Variants in PLCH1 observed in about 807,000 individuals in gnomAD.
The protein encoded by PLCH1 is phospholipase C eta 1.
A neutral mutation model predicts 126.7 loss-of-function variants in PLCH1; 60 were observed. The observed-to-expected ratio is 0.47, with a 90% CI of 0.38 to 0.59. The LOEUF is 0.59. PLCH1 is among the 20% of genes least tolerant of loss of function. The pLI is 0.00. For missense variants in PLCH1, 1,723 were observed against 2,040.0 expected (o/e 0.84, Z 2.99); for synonymous variants, 719 against 734.9 (o/e 0.98, Z 0.35).
rs1220503712 is a variant in PLCH1, at chr3:155,458,579, AAAGG to A, written c.2938+26773_2938+26776del. On this transcript the variant is annotated intron_variant, in intron 21 of 21. Transcript: ENST00000494598. The stretch of plus-strand genomic sequence containing the variant: ...GAGAAAAAGAAAGAAAGAAAGAAAG[AAAGG>A]AAGAAAGAAAGAAACCATGTTTAGA... Among the ~76,000 whole-genome samples the A allele has an allele frequency of 2.0e-3, 290 of 145,566 alleles. 6 individuals carry two copies. The highest frequency in any genetic ancestry group is 7.3e-3 in the African/African-American group (277 of 38,006).
intron 4 of PLCH1, among the ~76,000 whole-genome samples, chr3:155,593,533 A>T (rs1732480980): frequency 6.6e-6 from 1 of 152,264 alleles, no homozygotes; most frequent in South Asian, 2.1e-4. Flanking sequence ...TTGTTAAACT[A>T]AACTGACTTT....
intron 2 of PLCH1, among the ~76,000 whole-genome samples, chr3:155,690,604 G>A (rs1745306741): frequency 6.6e-6 from 1 of 152,180 alleles, no homozygotes; most frequent in African/African-American, 2.4e-5. Context: ...TAGCCCTCAT[G>A]TTTCCTCCTT....
intron 10 of PLCH1, among the ~76,000 whole-genome samples, chr3:155,526,481 C>CA (rs1721948385): frequency 7.8e-6 from 1 of 127,874 alleles, no homozygotes; most frequent in Non-Finnish European, 1.6e-5. Context: ...TTCTTTCTCT[C>CA]TCTCTCATAC....
intron 3 of PLCH1, among the ~76,000 whole-genome samples, chr3:155,595,545 A>T (rs997573162): frequency 6.6e-6 from 1 of 152,094 alleles, no homozygotes; most frequent in African/African-American, 2.4e-5. Context: ...TCAACCTTGG[A>T]CTTGGAATTA....
intron 2 of PLCH1, among the ~76,000 whole-genome samples, chr3:155,647,723 AT>A (rs1434559331): frequency 3.3e-5 from 5 of 152,116 alleles, no homozygotes; most frequent in South Asian, 2.1e-4. Context: ...AATAAAATTA[AT>A]TTTTTTAAAC....
chr3:155,633,621 AG>A lies in PLCH1; in HGVS notation c.80-37244del, dbSNP rs565639971. 3.0e-4 allele frequency among the ~76,000 whole-genome samples: 46 copies of A among 152,336 alleles called. 1 individual carries two copies. The South Asian group carries it at 5.4e-3, about 18-fold the overall frequency. The stretch of plus-strand genomic sequence containing the variant: ...ATGAATAAATCAAAAGATAAATTAT[AG>A]CAGAAACTCCATGGTGGGCCAGGTG... On this transcript the variant is annotated intron_variant, in intron 2 of 22. Coordinates refer to ENST00000460012, the MANE Select transcript of PLCH1 (RefSeq NM_014996.4).
intron 1 of PLCH1, among the ~76,000 whole-genome samples, chr3:155,707,444 T>C (rs993889045): frequency 6.6e-6 from 1 of 152,112 alleles, no homozygotes; most frequent in African/African-American, 2.4e-5. Context: ...ATCCCAACAC[T>C]TTGGGGGGCC....
rs181079292 is a variant in PLCH1 at position 155,617,785 on chromosome 3, T to C, written c.80-21407A>G. ...GATTTATAGAGCCAATAAAATCCCT[T>C]GAAAAAACTGGTCCTCACATACCTT... On this transcript the variant is annotated intron_variant, in intron 2 of 22. Transcript: ENST00000460012. Among the ~76,000 whole-genome samples, 637 of 152,272 alleles carry C rather than the reference T, an allele frequency of 4.2e-3. 1 individual carries two copies. The highest frequency in any genetic ancestry group is 7.1e-3 in the Admixed American group (108 of 15,290).
intron 2 of PLCH1, among the ~76,000 whole-genome samples, chr3:155,682,476 A>G (rs1038972536): frequency 3.3e-5 from 5 of 152,248 alleles, no homozygotes; most frequent in African/African-American, 7.2e-5. Flanking sequence ...TAAATGCTCA[A>G]TTAAGGTAGT....
chr3:155,469,505 G>A (rs1203228736), intron 21 of PLCH1, among the ~76,000 whole-genome samples: 3 of 151,448 alleles, frequency 2.0e-5, no homozygotes, highest in South Asian at 2.1e-4. Flanking sequence ...GGGGAGGGGC[G>A]CCCGCCATTG....
chr3:155,671,960 G>A (rs1879092), intron 2 of PLCH1, among the ~76,000 whole-genome samples: 27,526 of 152,056 alleles, frequency 0.18, 2,848 homozygotes, highest in East Asian at 0.43. Context: ...CTATAATATT[G>A]TGTTTAAATT....
At chr3:155,601,076 G>A (rs1179181405) in intron 2 of PLCH1, among the ~76,000 whole-genome samples, 3 of 152,224 alleles carry the variant, frequency 2.0e-5, no homozygotes, top group South Asian at 2.1e-4. Context: ...CCGGGTTCAC[G>A]CCATTCTCCT....
At chr3:155,536,003 T>C (rs963506544) in intron 10 of PLCH1, among the ~76,000 whole-genome samples, 1 of 152,158 alleles carries the variant, frequency 6.6e-6, no homozygotes, top group African/African-American at 2.4e-5. Context: ...ACAGGACTCT[T>C]TGCAGATATT....
At chr3:155,652,710 A>G (rs1056505620) in intron 2 of PLCH1, among the ~76,000 whole-genome samples, 4 of 152,158 alleles carry the variant, frequency 2.6e-5, no homozygotes, top group Non-Finnish European at 5.9e-5. Flanking sequence ...ACACCTATGA[A>G]CAAAGCACAA....
At chr3:155,455,262 A>G (rs1712412344) in intron 21 of PLCH1, among the ~76,000 whole-genome samples, 1 of 152,158 alleles carries the variant, frequency 6.6e-6, no homozygotes, top group Non-Finnish European at 1.5e-5. Context: ...CACTGGTTGC[A>G]GCTCCCCCAG....
intron 10 of PLCH1, among the ~76,000 whole-genome samples, chr3:155,532,134 A>G (rs767472002): frequency 6.6e-6 from 1 of 152,224 alleles, no homozygotes; most frequent in Non-Finnish European, 1.5e-5. Flanking sequence ...TTTTTGATTG[A>G]AAGTGAGAGA....
intron 2 of PLCH1, among the ~76,000 whole-genome samples, chr3:155,684,337 G>A (rs931802295): frequency 9.9e-5 from 15 of 152,160 alleles, no homozygotes; most frequent in African/African-American, 2.4e-5. Context: ...TCTCTGGGAA[G>A]TCTCTTCAGG....
At chr3:155,498,659 T>C (rs770523945) in intron 14 of PLCH1, among the ~76,000 whole-genome samples, 3 of 152,262 alleles carry the variant, frequency 2.0e-5, no homozygotes, top group Non-Finnish European at 2.9e-5. Context: ...CAAATTTCCA[T>C]AGTGATTATT....
chr3:155,718,162 A>T (rs1397847245), intron 1 of PLCH1, among the ~76,000 whole-genome samples: 2 of 152,172 alleles, frequency 1.3e-5, no homozygotes, highest in East Asian at 3.9e-4. Context: ...AAGGCATAAC[A>T]TGCATAACCT....
Sources: allele counts gnomAD v4.1 joint callset (sites outside exome capture counted in the v4.1 genomes callset), GRCh38; gene constraint gnomAD v4.1.1; transcripts MANE v1.5; gene names NCBI Gene and HGNC (gene_info 2026-07-23, HGNC 2026-07-21).